The following NKAIN3 variants were observed in gnomAD, a reference collection of about 807,000 sequenced individuals.
The protein encoded by NKAIN3 is sodium/potassium-transporting ATPase subunit beta-1-interacting protein 3.
In NKAIN3, 25 loss-of-function variants were observed where a neutral mutation model predicts 30.2. The ratio of observed to expected loss-of-function variants is 0.83; its 90% CI spans 0.60 to 1.16. NKAIN3 has a LOEUF of 1.16. NKAIN3 is among the 50% of genes most tolerant of loss of function. The probability of loss-of-function intolerance (pLI) is 0.00; values close to 1 mark genes in which losing one functional copy is unlikely to be tolerated. For missense variants in NKAIN3, 225 were observed against 254.1 expected, an observed-to-expected ratio of 0.89 and a Z score of 0.78; for synonymous variants, 91 against 89.6, an observed-to-expected ratio of 1.02 and a Z score of -0.09.
intron 1 of NKAIN3, among the ~76,000 whole-genome samples, chr8:62,337,594 CACATA>C (rs1217378448): frequency 7.7e-6 from 1 of 129,942 alleles, no homozygotes; most frequent in Non-Finnish European, 1.7e-5. Context: ...TAACACAACA[CACATA>C]ACAGACACAC....
chr8:62,630,410 A>G (rs1367189384), intron 3 of NKAIN3, among the ~76,000 whole-genome samples: 2 of 152,178 alleles, frequency 1.3e-5, no homozygotes, highest in African/African-American at 2.4e-5. Context: ...ATTTAACCTA[A>G]TTAGTATTGG....
Position 62,966,102 on chromosome 8 carries a change from G to A in NKAIN3, c.*695G>A, listed in dbSNP as rs890732092. Reference sequence around the variant, plus strand: ...TAGTAGAACCCCTTTCCCCTTTGGAGGGAATATGGGTGTCTCTGAGGTCCA... The same window carrying A: ...TAGTAGAACCCCTTTCCCCTTTGGAAGGAATATGGGTGTCTCTGAGGTCCA... On this transcript the variant is annotated 3_prime_UTR_variant, in exon 7 of 7. Transcript: ENST00000623646. 2.0e-6 allele frequency: 2 copies of A among 984,854 alleles called. No homozygotes were observed. Among genetic ancestry groups the A allele is most frequent in the Middle Eastern group, 5.2e-4 (1 of 1,934 alleles). The allele number at this position is 984,854 out of a possible 1,614,324, so 61.0% of individuals were successfully genotyped here. A position where few individuals can be genotyped will look rare whatever the true frequency, so the allele number is the denominator to read the frequency against.
chr8:62,338,255 ATGACT>A (rs1815631817), intron 1 of NKAIN3, among the ~76,000 whole-genome samples: 1 of 152,000 alleles, frequency 6.6e-6, no homozygotes, highest in African/African-American at 2.4e-5. Context: ...ATTCATGTTG[ATGACT>A]TGAAAAAGAA....
chr8:62,874,164 CA>C (rs1820726561), intron 4 of NKAIN3, among the ~76,000 whole-genome samples: 1 of 152,072 alleles, frequency 6.6e-6, no homozygotes, highest in East Asian at 1.9e-4. Context: ...CCACTGACCC[CA>C]AAGAAATAAA....
At chr8:62,873,578 A>G (rs547830290) in intron 4 of NKAIN3, among the ~76,000 whole-genome samples, 3 of 151,312 alleles carry the variant, frequency 2.0e-5, no homozygotes, top group South Asian at 2.1e-4. Context: ...AATTGACCAT[A>G]TAATTGGAAG....
chr8:62,402,972 A>G (rs1381737831), intron 1 of NKAIN3, among the ~76,000 whole-genome samples: 1 of 152,158 alleles, frequency 6.6e-6, no homozygotes, highest in African/African-American at 2.4e-5. Context: ...AAGATGTGGG[A>G]AACTTTGGAA....
intron 3 of NKAIN3, among the ~76,000 whole-genome samples, chr8:62,695,714 G>A (rs1814132304): frequency 6.6e-6 from 1 of 152,178 alleles, no homozygotes; most frequent in African/African-American, 2.4e-5. Flanking sequence ...GCTAGCTATT[G>A]CTGACATGTT....
intron 1 of NKAIN3, among the ~76,000 whole-genome samples, chr8:62,576,074 A>G (rs1197205261): frequency 6.6e-6 from 1 of 152,098 alleles, no homozygotes; most frequent in East Asian, 1.9e-4. Flanking sequence ...CTTTAGGAAT[A>G]TCCCACAAGC....
At chr8:62,515,368 A>G (rs961971708) in intron 1 of NKAIN3, among the ~76,000 whole-genome samples, 2 of 152,140 alleles carry the variant, frequency 1.3e-5, no homozygotes, top group African/African-American at 2.4e-5. Flanking sequence ...TTGCAGTTCC[A>G]TAGCATAAAC....
At chr8:62,847,223 A>G (rs534680401) in intron 4 of NKAIN3, among the ~76,000 whole-genome samples, 1 of 152,266 alleles carries the variant, frequency 6.6e-6, no homozygotes, top group Non-Finnish European at 1.5e-5. Context: ...TTGCTGGGCC[A>G]AATGGTATTT....
rs1387488790 is a variant in NKAIN3, at chr8:62,280,176, G to A, written c.54+31049G>A. Among the ~76,000 whole-genome samples the A allele has an allele frequency of 2.0e-5, 3 of 151,974 alleles. No individual in the cohort carries two copies. The East Asian group carries it at 5.8e-4, about 29-fold the overall frequency. On this transcript the variant is annotated intron_variant, in intron 1 of 6. Transcript: ENST00000623646. ...TAACTCACGATTTGGCTCTCTGTTT[G>A]TCTGTTATTGGTGTATAAGAATGCT...
intron 1 of NKAIN3, among the ~76,000 whole-genome samples, chr8:62,531,248 A>C (rs534407316): frequency 6.6e-6 from 1 of 152,306 alleles, no homozygotes; most frequent in Non-Finnish European, 1.5e-5. Flanking sequence ...GTTTTAGTAC[A>C]TCATGGATAT....
At chr8:62,291,761 T>C (rs1813643339) in intron 1 of NKAIN3, among the ~76,000 whole-genome samples, 1 of 152,236 alleles carries the variant, frequency 6.6e-6, no homozygotes, top group Admixed American at 6.5e-5. Flanking sequence ...GTCTGCATGG[T>C]GCAGAGCTGA....
At chr8:62,448,641 C>G (rs1805554048) in intron 1 of NKAIN3, among the ~76,000 whole-genome samples, 1 of 151,678 alleles carries the variant, frequency 6.6e-6, no homozygotes, top group Non-Finnish European at 1.5e-5. Context: ...ATTTTTGAAA[C>G]AAACTCATTA....
At chr8:62,885,938 C>T (rs543859081) in intron 4 of NKAIN3, among the ~76,000 whole-genome samples, 1 of 152,250 alleles carries the variant, frequency 6.6e-6, no homozygotes, top group African/African-American at 2.4e-5. Context: ...TCCACTCTGA[C>T]AACCTCTGTC....
intron 1 of NKAIN3, among the ~76,000 whole-genome samples, chr8:62,539,162 C>T (rs768238269): frequency 6.6e-6 from 1 of 152,176 alleles, no homozygotes; most frequent in Non-Finnish European, 1.5e-5. Flanking sequence ...GGTGCTGGAA[C>T]TATCTGAAAT....
intron 1 of NKAIN3, among the ~76,000 whole-genome samples, chr8:62,414,593 T>C (rs1804372423): frequency 6.6e-6 from 1 of 152,192 alleles, no homozygotes; most frequent in Non-Finnish European, 1.5e-5. Flanking sequence ...TTCTATAAAT[T>C]GGATCCAATA....
chr8:62,434,256 A>G (rs1328920265), intron 1 of NKAIN3, among the ~76,000 whole-genome samples: 1 of 152,202 alleles, frequency 6.6e-6, no homozygotes, highest in Non-Finnish European at 1.5e-5. Flanking sequence ...CACAAAGTTG[A>G]GCAGCATTTA....
At chr8:62,606,856 G>A (rs1811146649) in intron 3 of NKAIN3, among the ~76,000 whole-genome samples, 1 of 152,194 alleles carries the variant, frequency 6.6e-6, no homozygotes, top group African/African-American at 2.4e-5. Context: ...ATCAGAAGCA[G>A]TGATTGTGTA....
Sources: allele counts gnomAD v4.1 joint callset (sites outside exome capture counted in the v4.1 genomes callset), GRCh38; gene constraint gnomAD v4.1.1; transcripts MANE v1.5; gene names NCBI Gene and HGNC (gene_info 2026-07-23, HGNC 2026-07-21).